The following GRB10 variants were observed in gnomAD, a reference collection of about 807,000 sequenced individuals.
GRB10 encodes the protein growth factor receptor-bound protein 10.
In GRB10, 20 loss-of-function variants were observed where a neutral mutation model predicts 80.9. That is an observed-to-expected ratio of 0.25 (90% CI 0.17 to 0.36). GRB10 has a LOEUF of 0.36. Ranked by LOEUF, GRB10 falls within the 10% of genes least tolerant of loss-of-function variation. GRB10 has a pLI of 1.00. For missense variants in GRB10, 548 were observed against 747.7 expected (o/e 0.73, Z 3.12); for synonymous variants, 291 against 291.5 (o/e 1.00, Z 0.02).
intron 4 of GRB10, among the ~76,000 whole-genome samples, chr7:50,721,525 A>G (rs767555579): frequency 5.9e-5 from 9 of 152,250 alleles, no homozygotes; most frequent in Non-Finnish European, 1.3e-4. Context: ...AAAGAGAAGC[A>G]ACTCATGACA....
chr7:50,699,714 T>G (rs2153664961), intron 5 of GRB10, among the ~76,000 whole-genome samples: 1 of 152,322 alleles, frequency 6.6e-6, no homozygotes, highest in Non-Finnish European at 1.5e-5. Flanking sequence ...TAAAACGGTA[T>G]TATAATTTTG....
intron 4 of GRB10, among the ~76,000 whole-genome samples, chr7:50,720,484 T>C (rs111852158): frequency 1.3e-5 from 2 of 152,220 alleles, no homozygotes; most frequent in African/African-American, 4.8e-5. Flanking sequence ...ATGAGGCCCA[T>C]CTGACACCAG....
chr7:50,710,728 G>A, intron 4 of GRB10: 1 of 812,598 alleles, frequency 1.2e-6, no homozygotes, highest in Non-Finnish European at 2.1e-6. Context: ...CAGGGCAACT[G>A]CCTCACCTTC....
At chr7:50,702,818 CT>C (rs2153667508) in intron 5 of GRB10, among the ~76,000 whole-genome samples, 1 of 152,288 alleles carries the variant, frequency 6.6e-6, no homozygotes, top group East Asian at 1.9e-4. Flanking sequence ...AAAGGTAAGC[CT>C]TAAAGAGTTC....
intron 7 of GRB10, among the ~76,000 whole-genome samples, chr7:50,646,232 G>GAGGTT (rs557967546): frequency 7.7e-4 from 118 of 152,334 alleles, no homozygotes; most frequent in African/African-American, 2.8e-3. Context: ...CCTAGAACGT[G>GAGGTT]AGGTTACACA....
At position 50,708,473 on chromosome 7, in the gene GRB10, T is replaced by C. The variant is rs565550623; in HGVS notation, c.52-4565A>G. On this transcript the variant is annotated intron_variant, in intron 4 of 18. Transcript: ENST00000401949. Reference sequence around the variant, plus strand: ...ACAGAGCTGGAAGGTAAGCGGCAAATGTCTACCCACCATTCAGAGGCAAAC... The same window carrying C: ...ACAGAGCTGGAAGGTAAGCGGCAAACGTCTACCCACCATTCAGAGGCAAAC... 2.6e-5 allele frequency among the ~76,000 whole-genome samples: 4 copies of C among 152,206 alleles called. No homozygotes were observed. The East Asian group carries it at 7.7e-4, about 29-fold the overall frequency.
intron 5 of GRB10, among the ~76,000 whole-genome samples, chr7:50,679,630 C>A (rs2061340135): frequency 6.6e-6 from 1 of 152,186 alleles, no homozygotes. Flanking sequence ...GAGCTTTCTC[C>A]ACTACCCCCT....
intron 7 of GRB10, among the ~76,000 whole-genome samples, chr7:50,660,394 G>A (rs1413933953): frequency 3.3e-5 from 5 of 152,118 alleles, no homozygotes; most frequent in Non-Finnish European, 4.4e-5. Context: ...TGGAGTGGAC[G>A]TCCTGCCACG....
At chr7:50,771,704 C>T (rs2076995349) in intron 2 of GRB10, among the ~76,000 whole-genome samples, 1 of 152,180 alleles carries the variant, frequency 6.6e-6, no homozygotes, top group African/African-American at 2.4e-5. Flanking sequence ...GTAGAAGAGA[C>T]CAGAACCCGC....
At chr7:50,676,178 GCT>G in intron 5 of GRB10, among the ~76,000 whole-genome samples, 1 of 152,042 alleles carries the variant, frequency 6.6e-6, no homozygotes, top group Non-Finnish European at 1.5e-5. Context: ...CCTACCAAAG[GCT>G]ACATTGGTAG....
chr7:50,606,694 T>C, intron 13 of GRB10: 1 of 457,304 alleles, frequency 2.2e-6, no homozygotes, highest in Admixed American at 3.4e-5. Context: ...ACATAAACAG[T>C]TAATTAACAT....
At chr7:50,779,843 C>G (rs991021344) in intron 2 of GRB10, 12 of 152,190 alleles carry the variant, frequency 7.9e-5, no homozygotes, top group Admixed American at 3.3e-4. Flanking sequence ...TTAGAATTTT[C>G]TTCCCTCACT....
chr7:50,628,598 CGA>C (rs2053434124), intron 7 of GRB10, among the ~76,000 whole-genome samples: 1 of 151,928 alleles, frequency 6.6e-6, no homozygotes, highest in Non-Finnish European at 1.5e-5. Flanking sequence ...CGGGGCTCAG[CGA>C]GAGCGGAAGA....
intron 3 of GRB10, among the ~76,000 whole-genome samples, chr7:50,742,147 A>G (rs1349433768): frequency 6.6e-6 from 1 of 152,222 alleles, no homozygotes; most frequent in Admixed American, 6.5e-5. Flanking sequence ...TGGAAGAACC[A>G]ATCAATGACC....
At chr7:50,710,847 G>A (rs1181824162) in intron 4 of GRB10, 1 of 1,611,162 alleles carries the variant, frequency 6.2e-7, no homozygotes, top group Non-Finnish European at 8.5e-7. Flanking sequence ...TAAAGGTACT[G>A]AGTGTTCGGT....
intron 5 of GRB10, among the ~76,000 whole-genome samples, chr7:50,696,432 G>A (rs189475468): frequency 9.8e-5 from 15 of 152,324 alleles, no homozygotes; most frequent in Admixed American, 2.0e-4. Context: ...AGGAAACTGA[G>A]GCTCAGTACA....
chr7:50,751,311 C>A (rs1562609907), intron 3 of GRB10, among the ~76,000 whole-genome samples: 2 of 152,138 alleles, frequency 1.3e-5, no homozygotes, highest in Admixed American at 6.5e-5. Context: ...AGAAAGAAAG[C>A]AATCTATAGA....
intron 7 of GRB10, among the ~76,000 whole-genome samples, chr7:50,651,362 C>CTT (rs1179080236): frequency 1.3e-5 from 2 of 152,202 alleles, no homozygotes; most frequent in Non-Finnish European, 2.9e-5. Flanking sequence ...CTGCTGGCAT[C>CTT]TTTGTCATTC....
chr7:50,775,034 G>A (rs929906769), intron 2 of GRB10, among the ~76,000 whole-genome samples: 13 of 149,822 alleles, frequency 8.7e-5, no homozygotes, highest in Admixed American at 6.6e-4. Context: ...GATGGCACAC[G>A]CCTGTAGTCC....
Sources: gnomAD v4.1 joint callset for allele counts (sites outside exome capture counted in the v4.1 genomes callset) on GRCh38, gnomAD v4.1.1 for gene constraint, MANE v1.5 for transcripts, NCBI Gene and HGNC (gene_info 2026-07-23, HGNC 2026-07-21) for gene names.